The following RASGRF2 variants were observed in gnomAD, a reference collection of about 807,000 sequenced individuals.
The protein encoded by RASGRF2 is ras-specific guanine nucleotide-releasing factor 2.
Under a neutral mutation model 151.0 loss-of-function variants are expected in RASGRF2, and 76 were observed. That is an observed-to-expected ratio of 0.50 (90% CI 0.42 to 0.61). The LOEUF (loss-of-function observed/expected upper bound fraction) is 0.61, where lower values mean the gene tolerates loss of function less well. RASGRF2 is among the 20% of genes least tolerant of loss of function. RASGRF2 has a pLI of 0.00. For missense variants in RASGRF2, 1,148 were observed against 1,564.6 expected (o/e 0.73, Z 4.49); for synonymous variants, 504 against 566.5 (o/e 0.89, Z 1.57).
chr5:81,161,546 G>A (rs1754383983), intron 17 of RASGRF2, among the ~76,000 whole-genome samples: 1 of 152,180 alleles, frequency 6.6e-6, no homozygotes, highest in Non-Finnish European at 1.5e-5. Flanking sequence ...TTAAATCCTT[G>A]CTCTCCAGTT....
rs1753296897 is a variant in RASGRF2, at chr5:81,121,123, G to T, written c.2471-2519G>T. ...GTGTGTGTGTGTGTGATGTCTGTAA[G>T]AGCCAAAAGTGCTGCTGTGTGAACC... On this transcript the variant is annotated intron_variant, in intron 15 of 26. Coordinates refer to ENST00000265080, the MANE Select transcript of RASGRF2 (RefSeq NM_006909.3). Among the ~76,000 whole-genome samples, 4 of 152,068 alleles carry T rather than the reference G, an allele frequency of 2.6e-5. No homozygotes were observed. In the South Asian group the frequency reaches 8.3e-4, roughly 32 times the overall value.
rs1756081597 is a variant in RASGRF2, at chr5:81,230,151, C to A, written c.*4381C>A. 6.6e-6 allele frequency: 1 copy of A among 152,232 alleles called. No individual in the cohort carries two copies. The highest frequency in any genetic ancestry group is 2.1e-4 in the South Asian group (1 of 4,830). 9.4% of individuals were successfully genotyped at this position (152,232 alleles called of 1,614,324 possible). A position where few individuals can be genotyped will look rare whatever the true frequency, so the allele number is the denominator to read the frequency against. On this transcript the variant is annotated 3_prime_UTR_variant, in exon 27 of 27. Coordinates refer to ENST00000265080, the MANE Select transcript of RASGRF2 (RefSeq NM_006909.3). ...TATATGCAAATTAAACTTCACCTTTCTTGAATATTCAGAAATCTCACTGGT... is the reference window on the plus strand; with the variant it reads ...TATATGCAAATTAAACTTCACCTTTATTGAATATTCAGAAATCTCACTGGT...
At chr5:81,138,078 A>G (rs1283291983) in intron 17 of RASGRF2, among the ~76,000 whole-genome samples, 1 of 152,158 alleles carries the variant, frequency 6.6e-6, no homozygotes, top group Non-Finnish European at 1.5e-5. Flanking sequence ...GGGCTCCCTA[A>G]GTACTCCTTC....
chr5:81,160,141 CG>C (rs1561237241), intron 17 of RASGRF2, among the ~76,000 whole-genome samples: 1 of 152,096 alleles, frequency 6.6e-6, no homozygotes. Flanking sequence ...AAAAATAGGC[CG>C]GGTGCGGTGG....
intron 17 of RASGRF2, among the ~76,000 whole-genome samples, chr5:81,132,741 C>G (rs1173744981): frequency 6.6e-6 from 1 of 152,146 alleles, no homozygotes; most frequent in East Asian, 1.9e-4. Flanking sequence ...TGCACCCATA[C>G]CCACAGAACC....
At chr5:81,125,602 G>T (rs150523329) in intron 16 of RASGRF2, among the ~76,000 whole-genome samples, 19 of 152,264 alleles carry the variant, frequency 1.2e-4, no homozygotes, top group African/African-American at 3.4e-4. Flanking sequence ...ATTGTAACCT[G>T]GAAGAGTTTG....
intron 18 of RASGRF2, among the ~76,000 whole-genome samples, chr5:81,191,955 T>G (rs907605952): frequency 6.6e-6 from 1 of 152,212 alleles, no homozygotes; most frequent in Non-Finnish European, 1.5e-5. Flanking sequence ...CCCAGTTATT[T>G]TTGTTCTAAC....
At chr5:81,096,993 G>A (rs924822354) in intron 12 of RASGRF2, among the ~76,000 whole-genome samples, 3 of 151,010 alleles carry the variant, frequency 2.0e-5, no homozygotes, top group African/African-American at 7.3e-5. Context: ...ATGGAGTCTC[G>A]CTCTGTCGCC....
intron 22 of RASGRF2, among the ~76,000 whole-genome samples, chr5:81,210,360 C>T (rs1318499099): frequency 6.6e-6 from 1 of 152,248 alleles, no homozygotes; most frequent in African/African-American, 2.4e-5. Flanking sequence ...CTCTCACTTG[C>T]CTTCAGGGTC....
intron 2 of RASGRF2, among the ~76,000 whole-genome samples, chr5:81,049,687 T>A (rs1171380237): frequency 6.6e-6 from 1 of 152,160 alleles, no homozygotes; most frequent in African/African-American, 2.4e-5. Flanking sequence ...TACCATGCTA[T>A]GTGCATGATA....
chr5:81,113,150 T>A (rs1753048509), intron 14 of RASGRF2, among the ~76,000 whole-genome samples: 1 of 152,160 alleles, frequency 6.6e-6, no homozygotes. Context: ...CTTTCTTTTT[T>A]TTTTTGACAA....
chr5:81,162,128 A>G (rs1754398799), intron 17 of RASGRF2, among the ~76,000 whole-genome samples: 1 of 150,912 alleles, frequency 6.6e-6, no homozygotes, highest in Non-Finnish European at 1.5e-5. Context: ...CTCAGAGTTG[A>G]GAAAGAAGCC....
intron 1 of RASGRF2, among the ~76,000 whole-genome samples, chr5:80,998,333 TCCTC>T (rs1748964156): frequency 6.6e-6 from 1 of 152,166 alleles, no homozygotes; most frequent in Non-Finnish European, 1.5e-5. Flanking sequence ...CTTCCTTTCT[TCCTC>T]CCACCTTTAC....
At chr5:81,223,743 C>T (rs1203866032) in intron 26 of RASGRF2, among the ~76,000 whole-genome samples, 4 of 151,376 alleles carry the variant, frequency 2.6e-5, no homozygotes, top group Non-Finnish European at 2.9e-5. Context: ...AAATCTAATA[C>T]GAGATAAAGA....
At chr5:80,973,033 C>T (rs766879932) in intron 1 of RASGRF2, among the ~76,000 whole-genome samples, 2 of 152,246 alleles carry the variant, frequency 1.3e-5, no homozygotes, top group South Asian at 4.1e-4. Context: ...CTTTAATGAA[C>T]AGAAGTTCTA....
chr5:81,220,931 A>AAT (rs1755844063), intron 26 of RASGRF2, among the ~76,000 whole-genome samples: 1 of 151,878 alleles, frequency 6.6e-6, no homozygotes, highest in African/African-American at 2.4e-5. Context: ...GACTTTCCTT[A>AAT]ATTTGGGTGG....
intron 4 of RASGRF2, among the ~76,000 whole-genome samples, chr5:81,071,080 C>T (rs1751760274): frequency 6.6e-6 from 1 of 152,114 alleles, no homozygotes; most frequent in African/African-American, 2.4e-5. Flanking sequence ...TATAATTGCA[C>T]AACTTTTGCA....
intron 10 of RASGRF2, among the ~76,000 whole-genome samples, chr5:81,093,988 G>A (rs1752466049): frequency 6.6e-6 from 1 of 152,048 alleles, no homozygotes; most frequent in Admixed American, 6.5e-5. Context: ...GGTGAGTTCA[G>A]CCCTTTGCTA....
intron 1 of RASGRF2, among the ~76,000 whole-genome samples, chr5:81,041,536 C>T (rs399203): frequency 0.8 from 121,919 of 152,030 alleles, 49,420 homozygotes; most frequent in Middle Eastern, 0.92. Context: ...AAAATTTCTG[C>T]TTTAGAACTG....
Sources: allele counts gnomAD v4.1 joint callset (sites outside exome capture counted in the v4.1 genomes callset), GRCh38; gene constraint gnomAD v4.1.1; transcripts MANE v1.5; gene names NCBI Gene and HGNC (gene_info 2026-07-23, HGNC 2026-07-21).